Variants in WDR37 observed in about 807,000 individuals in gnomAD.
WDR37 encodes WD repeat domain 37, also known as WD repeat-containing protein 37.
WDR37 carries 19 observed loss-of-function variants against 62.9 expected under a neutral mutation model. The ratio of observed to expected loss-of-function variants is 0.30; its 90% CI spans 0.21 to 0.44. WDR37 has a LOEUF of 0.44. WDR37 is among the 20% of genes least tolerant of loss of function. The pLI is 1.00. For synonymous variants in WDR37, 250 were observed against 260.9 expected (o/e 0.96, Z 0.40); for missense variants, 474 against 657.6 (o/e 0.72, Z 3.05).
intron 13 of WDR37, among the ~76,000 whole-genome samples, chr10:1,126,400 T>C (rs142520540): frequency 0.029 from 3,845 of 134,784 alleles, 76 homozygotes; most frequent in South Asian, 0.055. Context: ...AGCGAGACTG[T>C]GTCTCAGAAA....
intron 11 of WDR37, among the ~76,000 whole-genome samples, chr10:1,112,885 A>G (rs748791295): frequency 5.9e-5 from 9 of 152,240 alleles, no homozygotes; most frequent in Non-Finnish European, 1.3e-4. Context: ...ATAACATGAG[A>G]GTGCAAGGTG....
intron 7 of WDR37, among the ~76,000 whole-genome samples, chr10:1,090,112 G>A (rs1257321068): frequency 1.3e-5 from 2 of 151,452 alleles, no homozygotes; most frequent in Non-Finnish European, 2.9e-5. Flanking sequence ...GATTATAGGT[G>A]CCCGCCACCA....
chr10:1,070,710 C>T (rs1213066982), intron 1 of WDR37, among the ~76,000 whole-genome samples: 1 of 152,138 alleles, frequency 6.6e-6, no homozygotes, highest in Admixed American at 6.5e-5. Context: ...TTATGGAAGA[C>T]ACTCTAAATT....
At chr10:1,079,986 T>G (rs1448704578) in intron 3 of WDR37, 25 bp from the exon 4 acceptor site, 5 of 1,609,108 alleles carry the variant, frequency 3.1e-6, no homozygotes, top group Non-Finnish European at 4.2e-6. Context: ...ATACTTTAGA[T>G]TTTTGAAAAC....
intron 1 of WDR37, among the ~76,000 whole-genome samples, chr10:1,064,284 T>C (rs1833467800): frequency 6.6e-6 from 1 of 151,744 alleles, no homozygotes; most frequent in African/African-American, 2.4e-5. Flanking sequence ...TGGAAAAAAG[T>C]GAGCAGAGCC....
intron 1 of WDR37, among the ~76,000 whole-genome samples, chr10:1,057,812 A>AT: frequency 6.6e-6 from 1 of 152,356 alleles, no homozygotes; most frequent in African/African-American, 2.4e-5. Context: ...AAAAGTGTTA[A>AT]TTGCTTGGAA....
intron 11 of WDR37, among the ~76,000 whole-genome samples, chr10:1,117,862 A>C (rs191616936): frequency 6.6e-6 from 1 of 152,222 alleles, no homozygotes; most frequent in Admixed American, 6.5e-5. Context: ...CGCTGCGTGC[A>C]CTCAGCCACC....
intron 11 of WDR37, among the ~76,000 whole-genome samples, chr10:1,122,066 G>A (rs1835598660): frequency 6.6e-6 from 1 of 152,076 alleles, no homozygotes; most frequent in African/African-American, 2.4e-5. Flanking sequence ...TGACTGCGTG[G>A]TGCTTCTCTC....
rs556463630 is a variant in WDR37, at chr10:1,073,238, A to G, written c.138+945A>G. Among the ~76,000 whole-genome samples, 26 of 152,320 alleles carry G rather than the reference A, an allele frequency of 1.7e-4. No individual in the cohort carries two copies. The South Asian group carries it at 5.2e-3, about 30-fold the overall frequency. Reference sequence around the variant, plus strand: ...TATGTATATAACTATATGTAAACTTACAACCATTCCTTCACAATTAGAACA... The same window carrying G: ...TATGTATATAACTATATGTAAACTTGCAACCATTCCTTCACAATTAGAACA... On this transcript the variant is annotated intron_variant, in intron 2 of 13. Transcript: ENST00000263150.
rs377205033 is a variant in WDR37, at chr10:1,126,385, G to T, written c.1353+1361G>T. 1.6e-4 allele frequency among the ~76,000 whole-genome samples: 23 copies of T among 145,470 alleles called. 1 individual carries two copies. In the South Asian group the frequency reaches 2.8e-3, roughly 18 times the overall value. ...CGCGCCACTGCACTCCAGCCTGGGC[G>T]ACAGAGCGAGACTGTGTCTCAGAAA... On this transcript the variant is annotated intron_variant, in intron 13 of 13. Transcript: ENST00000263150.
intron 13 of WDR37, 126 bp from the exon 14 acceptor site, chr10:1,129,087 C>G: frequency 2.9e-6 from 4 of 1,367,620 alleles, no homozygotes; most frequent in Non-Finnish European, 4.0e-6. Context: ...GGGACTGATC[C>G]TGCACACCAT....
Position 1,105,855 on chromosome 10 carries a change from G to A in WDR37, c.1103+588G>A, listed in dbSNP as rs1017017799. ...GGCTGGAGTGCAGTGGCGCTATCTC[G>A]GCTCACTGCAAGCTCCGCCTCCCGG... On this transcript the variant is annotated intron_variant, in intron 11 of 13. Coordinates refer to ENST00000263150, the MANE Select transcript of WDR37 (RefSeq NM_014023.4). The surrounding 1 kb of genome is among the most constrained non-coding windows in gnomAD (Gnocchi z 5.3). 7.9e-5 allele frequency among the ~76,000 whole-genome samples: 12 copies of A among 151,930 alleles called. No homozygotes were observed. Among genetic ancestry groups the A allele is most frequent in the Admixed American group, 4.6e-4 (7 of 15,254 alleles).
chr10:1,129,693 C>T lies in WDR37; in HGVS notation c.*349C>T, dbSNP rs112406346. On this transcript the variant is annotated 3_prime_UTR_variant, in exon 14 of 14. Coordinates refer to ENST00000263150, the MANE Select transcript of WDR37 (RefSeq NM_014023.4). The stretch of plus-strand genomic sequence containing the variant: ...AAATGTGAACTTCTGTATTACGTTG[C>T]GGCGTCGGCAGTCCTGCGTTCCCTG... The T allele has an allele frequency of 4.8e-4, 84 of 175,636 alleles. No individual in the cohort carries two copies. The highest frequency in any genetic ancestry group is 1.8e-3 in the African/African-American group (75 of 42,332). 10.9% of individuals were successfully genotyped at this position (175,636 alleles called of 1,614,324 possible).
chr10:1,061,130 T>C lies in WDR37; in HGVS notation c.-41+4162T>C, dbSNP rs541979666. The stretch of plus-strand genomic sequence containing the variant: ...GGGATGTTATGAGGATTAGTGACTC[T>C]TTGTATTTATTGATCCATTTGAGCC... On this transcript the variant is annotated intron_variant, in intron 1 of 13. Coordinates refer to ENST00000263150, the MANE Select transcript of WDR37 (RefSeq NM_014023.4). Among the ~76,000 whole-genome samples, 14 of 152,344 alleles carry C rather than the reference T, an allele frequency of 9.2e-5. 1 individual carries two copies. The South Asian group carries it at 2.9e-3, about 32-fold the overall frequency.
chr10:1,078,862 C>T (rs1347820546), intron 3 of WDR37, among the ~76,000 whole-genome samples: 2 of 152,174 alleles, frequency 1.3e-5, no homozygotes, highest in Non-Finnish European at 2.9e-5. Flanking sequence ...GTCTTTCATG[C>T]TTTATCTACA....
intron 13 of WDR37, among the ~76,000 whole-genome samples, chr10:1,126,277 G>T (rs544889529): frequency 6.6e-6 from 1 of 151,878 alleles, no homozygotes; most frequent in East Asian, 1.9e-4. Flanking sequence ...GTGGTGGCGG[G>T]CGTCTGTAGT....
intron 3 of WDR37, among the ~76,000 whole-genome samples, chr10:1,078,576 G>A (rs1833942604): frequency 6.6e-6 from 1 of 152,170 alleles, no homozygotes; most frequent in Admixed American, 6.5e-5. Flanking sequence ...ATCATCTTCT[G>A]GTTTTAGATC....
chr10:1,058,185 C>T (rs1039699711), intron 1 of WDR37, among the ~76,000 whole-genome samples: 10 of 152,234 alleles, frequency 6.6e-5, no homozygotes, highest in Admixed American at 3.3e-4. Context: ...AGTAGGGACT[C>T]GTGTGCACTG....
At chr10:1,107,313 G>A (rs1835056684) in intron 11 of WDR37, among the ~76,000 whole-genome samples, 1 of 60 alleles carries the variant, frequency 0.017, no homozygotes, top group South Asian at 0.5. Flanking sequence ...GGGCGGGGCA[G>A]AGGGGCCCGC....
Sources: gnomAD v4.1 joint callset for allele counts (sites outside exome capture counted in the v4.1 genomes callset) on GRCh38, gnomAD v4.1.1 for gene constraint, Gnocchi (gnomAD v3.1) non-coding constraint, MANE v1.5 for transcripts, NCBI Gene and HGNC (gene_info 2026-07-23, HGNC 2026-07-21) for gene names.